OLFM4: variants seen among roughly 807,000 people sequenced by gnomAD.
OLFM4 encodes olfactomedin-4.
Under a neutral mutation model 25.5 loss-of-function variants are expected in OLFM4, and 22 were observed. That is an observed-to-expected ratio of 0.86 (90% CI 0.62 to 1.23). OLFM4 has a LOEUF of 1.23. OLFM4 is among the 50% of genes most tolerant of loss of function. The probability of loss-of-function intolerance (pLI) is 0.00; values close to 1 mark genes in which losing one functional copy is unlikely to be tolerated. For missense variants in OLFM4, 594 were observed against 619.4 expected, an observed-to-expected ratio of 0.96 and a Z score of 0.44; for synonymous variants, 255 against 237.7, an observed-to-expected ratio of 1.07 and a Z score of -0.67.
rs751375198 is a variant in OLFM4, at chr13:53,050,015, G to A, written c.777G>A (p.Val259=). Residue 259 remains valine (V), a synonymous_variant, in exon 5 of 5, where the codon GTG becomes GTA. Transcript: ENST00000219022. The part of the protein sequence containing the change: ...GGVVNISKPS[V]VQLNWRGFSY... ...TGGTGAACATCAGCAAACCGTCTGT[G>A]GTTCAGCTCAACTGGAGAGGGTTTT... 1 of 1,612,636 alleles carries A rather than the reference G, an allele frequency of 6.2e-7. No individual in the cohort carries two copies. Among genetic ancestry groups the A allele is most frequent in the East Asian group, 2.2e-5 (1 of 44,804 alleles).
rs774897874 is a variant in OLFM4, at chr13:53,028,847, G to A, written c.11G>A (p.Gly4Asp). The A allele has an allele frequency of 2.5e-6, 4 of 1,614,090 alleles. No homozygotes were observed. In the Admixed American group the frequency reaches 5.0e-5, roughly 20 times the overall value. Residue 4 changes from glycine to aspartate, a missense_variant, in exon 1 of 5, where the codon GGC becomes GAC. Transcript: ENST00000219022. MRP[G>D]LSFLLALLFF... ...AGCTAAGAGGACAAGATGAGGCCCGGCCTCTCATTTCTCCTAGCCCTTCTG... is the reference window on the plus strand; with the variant it reads ...AGCTAAGAGGACAAGATGAGGCCCGACCTCTCATTTCTCCTAGCCCTTCTG...
At position 53,050,417 on chromosome 13, in the gene OLFM4, G is replaced by A. The variant is rs1187192750; in HGVS notation, c.1179G>A (p.Trp393Ter). The A allele has an allele frequency of 6.2e-7, 1 of 1,614,008 alleles. No individual in the cohort carries two copies. Among genetic ancestry groups the A allele is most frequent in the Non-Finnish European group, 8.5e-7 (1 of 1,179,962 alleles). The part of the protein sequence containing the change: ...IDFAVDENGL[W>*]VIYSTEASTG... ...TTGCTGTGGATGAGAATGGATTGTGGGTTATTTATTCAACTGAAGCCAGCA... is the reference window on the plus strand; with the variant it reads ...TTGCTGTGGATGAGAATGGATTGTGAGTTATTTATTCAACTGAAGCCAGCA... Residue 393 changes from tryptophan (W) to a stop codon, truncating the protein, a stop_gained, in exon 5 of 5, where the codon TGG (tryptophan) becomes TGA (stop). Transcript: ENST00000219022. LOFTEE classifies it high-confidence loss of function.
At chr13:53,041,812 C>A (rs1954688109) in intron 2 of OLFM4, 98 bp from the exon 3 acceptor site, 1 of 745,610 alleles carries the variant, frequency 1.3e-6, no homozygotes, top group Non-Finnish European at 2.3e-6. Context: ...CAATGATTGG[C>A]AAGAATCAAA....
intron 1 of OLFM4, among the ~76,000 whole-genome samples, chr13:53,031,774 C>T (rs1954630409): frequency 6.6e-6 from 1 of 152,158 alleles, no homozygotes. Context: ...TGAACACGTG[C>T]TTAGGGAAAA....
intron 4 of OLFM4, among the ~76,000 whole-genome samples, chr13:53,044,621 C>T (rs540801167): frequency 6.6e-6 from 1 of 152,070 alleles, no homozygotes; most frequent in African/African-American, 2.4e-5. Context: ...AGAATCCTGC[C>T]CCAGAATGAA....
At chr13:53,044,678 A>G (rs1465727656) in intron 4 of OLFM4, among the ~76,000 whole-genome samples, 1 of 152,104 alleles carries the variant, frequency 6.6e-6, no homozygotes, top group Non-Finnish European at 1.5e-5. Context: ...AATTTGAACA[A>G]CTGTTCAAAT....
In OLFM4 at chr13:53,050,337, G is replaced by A; in HGVS notation, c.1099G>A (p.Ala367Thr). ...TIAVTQTLPN[A>T]AYNNRFSYAN... Reference sequence around the variant, plus strand: ...TGCTGTGACTCAAACTCTCCCTAATGCTGCCTATAATAACCGCTTTTCATA... The same window carrying A: ...TGCTGTGACTCAAACTCTCCCTAATACTGCCTATAATAACCGCTTTTCATA... The change falls in exon 5 of 5, where the codon GCT becomes ACT. Residue 367 changes from alanine to threonine, a missense_variant. Coordinates refer to ENST00000219022, the MANE Select transcript of OLFM4 (RefSeq NM_006418.5). The A allele has an allele frequency of 4.3e-6, 7 of 1,614,046 alleles. No individual in the cohort carries two copies. Among genetic ancestry groups the A allele is most frequent in the Non-Finnish European group, 5.1e-6 (6 of 1,179,972 alleles).
intron 4 of OLFM4, among the ~76,000 whole-genome samples, chr13:53,044,477 C>T (rs969688912): frequency 1.3e-5 from 2 of 152,114 alleles, no homozygotes; most frequent in African/African-American, 4.8e-5. Context: ...GTCATTGTAA[C>T]TGATTTTTTA....
chr13:53,049,927 C>T, intron 4 of OLFM4, 42 bp from the exon 5 acceptor site: 1 of 1,526,132 alleles, frequency 6.6e-7, no homozygotes, highest in Non-Finnish European at 8.9e-7. Flanking sequence ...TCCTGTCATT[C>T]CTTTTCTCTA....
intron 3 of OLFM4, 131 bp downstream of exon 3, chr13:53,042,253 C>T: frequency 2.6e-6 from 2 of 755,836 alleles, no homozygotes; most frequent in Non-Finnish European, 4.4e-6. Context: ...GGCCACATGG[C>T]ATATCACTAT....
intron 3 of OLFM4, among the ~76,000 whole-genome samples, chr13:53,042,846 G>A (rs117593567): frequency 0.013 from 1,920 of 152,264 alleles, 21 homozygotes; most frequent in Non-Finnish European, 0.018. Context: ...GGACATTTGT[G>A]GATGCTGAGG....
intron 4 of OLFM4, among the ~76,000 whole-genome samples, chr13:53,043,521 A>G (rs9591495): frequency 0.04 from 6,015 of 152,162 alleles, 150 homozygotes; most frequent in East Asian, 0.078. Flanking sequence ...CACGAGTTAC[A>G]CGTATTCTCT....
chr13:53,048,594 A>G (rs1183100740), intron 4 of OLFM4, among the ~76,000 whole-genome samples: 7 of 152,154 alleles, frequency 4.6e-5, no homozygotes, highest in Admixed American at 4.6e-4. Context: ...TCCATATTGG[A>G]CACAGCAGAG....
At chr13:53,035,890 A>G (rs554554880) in intron 2 of OLFM4, among the ~76,000 whole-genome samples, 1 of 152,326 alleles carries the variant, frequency 6.6e-6, no homozygotes, top group Non-Finnish European at 1.5e-5. Flanking sequence ...AGCCCAAGTT[A>G]AAAATCAATT....
chr13:53,034,888 T>A (rs1488098391), intron 2 of OLFM4, among the ~76,000 whole-genome samples: 1 of 152,188 alleles, frequency 6.6e-6, no homozygotes. Flanking sequence ...TTCTCCTCTA[T>A]CCCCTTTAGT....
chr13:53,038,086 A>C (rs35837213), intron 2 of OLFM4, among the ~76,000 whole-genome samples: 10 of 152,212 alleles, frequency 6.6e-5, no homozygotes, highest in Non-Finnish European at 1.2e-4. Flanking sequence ...TGAGCCATCT[A>C]GTGCTCAGAC....
intron 3 of OLFM4, 98 bp downstream of exon 3, chr13:53,042,220 C>A: frequency 1.0e-6 from 1 of 1,002,410 alleles, no homozygotes; most frequent in Non-Finnish European, 1.5e-6. Context: ...TCTCTTCCAA[C>A]TTCTAATTCT....
chr13:53,036,050 A>G (rs74086429), intron 2 of OLFM4, among the ~76,000 whole-genome samples: 5,772 of 152,310 alleles, frequency 0.038, 365 homozygotes, highest in African/African-American at 0.13. Context: ...GAGCTTTGCC[A>G]CCTCAACATC....
intron 4 of OLFM4, 71 bp from the exon 5 acceptor site, chr13:53,049,898 G>C: frequency 7.0e-7 from 1 of 1,422,402 alleles, no homozygotes; most frequent in Non-Finnish European, 9.6e-7. Flanking sequence ...TTGGTGCTTA[G>C]GATATTAAAC....
Sources: allele counts gnomAD v4.1 joint callset (sites outside exome capture counted in the v4.1 genomes callset), GRCh38; gene constraint gnomAD v4.1.1; transcripts MANE v1.5; gene names NCBI Gene and HGNC (gene_info 2026-07-23, HGNC 2026-07-21).